The following GABRA3 variants were observed in gnomAD, a reference collection of about 807,000 sequenced individuals.
The protein encoded by GABRA3 is gamma-aminobutyric acid receptor subunit alpha-3.
Under a neutral mutation model 30.1 loss-of-function variants are expected in GABRA3, and 10 were observed. The observed-to-expected ratio is 0.33, with a 90% CI of 0.20 to 0.56. GABRA3 has a LOEUF of 0.56. Ranked by LOEUF, GABRA3 falls within the 20% of genes least tolerant of loss-of-function variation. The pLI is 0.89. For synonymous variants in GABRA3, 151 were observed against 146.8 expected (o/e 1.03, Z -0.21); for missense variants, 233 against 392.0 (o/e 0.59, Z 3.42).
At chrX:152,421,134 A>T (rs186532124) in intron 1 of GABRA3, among the ~76,000 whole-genome samples, 1 of 103,130 alleles carries the variant, frequency 9.7e-6, no homozygotes, top group Admixed American at 1.1e-4. Flanking sequence ...CACACACACA[A>T]GGCACCTATA....
At chrX:152,230,506 G>A (rs776977570) in intron 5 of GABRA3, among the ~76,000 whole-genome samples, 3 of 110,375 alleles carry the variant, frequency 2.7e-5, no homozygotes, top group Non-Finnish European at 5.7e-5. Flanking sequence ...GAACACAAAG[G>A]ATCTAGAATA....
At chrX:152,343,962 T>A (rs1378582959) in intron 3 of GABRA3, among the ~76,000 whole-genome samples, 1 of 111,425 alleles carries the variant, frequency 9.0e-6, no homozygotes, top group Non-Finnish European at 1.9e-5. Context: ...ATACAATACA[T>A]CTGTGTGTGT....
intron 6 of GABRA3, among the ~76,000 whole-genome samples, chrX:152,213,969 T>C (rs746207726): frequency 2.7e-5 from 3 of 111,397 alleles, no homozygotes; most frequent in Non-Finnish European, 3.8e-5. Flanking sequence ...TGCAGTTTTG[T>C]TAAACTGATA....
chrX:152,272,383 C>T (rs762529536), intron 4 of GABRA3, among the ~76,000 whole-genome samples: 17 of 112,415 alleles, frequency 1.5e-4, no homozygotes, highest in Non-Finnish European at 2.4e-4. Flanking sequence ...ATTTTGGACA[C>T]GCATGGGGCC....
At chrX:152,191,113 T>C (rs1489801839) in intron 8 of GABRA3, among the ~76,000 whole-genome samples, 2 of 110,292 alleles carry the variant, frequency 1.8e-5, no homozygotes, top group Non-Finnish European at 3.8e-5. Flanking sequence ...GTCTATAGTA[T>C]AATACCTGAC....
intron 3 of GABRA3, among the ~76,000 whole-genome samples, chrX:152,308,328 T>C (rs934779452): frequency 3.5e-5 from 4 of 112,830 alleles, no homozygotes; most frequent in African/African-American, 1.3e-4. Context: ...GCCCTTCTGC[T>C]GCTGGCATGC....
At chrX:152,291,446 G>A (rs777239102) in intron 3 of GABRA3, among the ~76,000 whole-genome samples, 55 of 111,783 alleles carry the variant, frequency 4.9e-4, no homozygotes, top group African/African-American at 1.2e-3. Flanking sequence ...ATACAGTCAC[G>A]TCATCTGCAA....
chrX:152,310,610 A>G (rs1939784270), intron 3 of GABRA3, among the ~76,000 whole-genome samples: 1 of 111,703 alleles, frequency 9.0e-6, no homozygotes, highest in Non-Finnish European at 1.9e-5. Flanking sequence ...AAAAAGTTAC[A>G]AAGATTTCAA....
At chrX:152,239,559 C>T (rs1300200828) in intron 5 of GABRA3, among the ~76,000 whole-genome samples, 4 of 90,756 alleles carry the variant, frequency 4.4e-5, no homozygotes, top group African/African-American at 1.8e-4. Context: ...TGTTGACTTT[C>T]TGTCTCGTTG....
chrX:152,312,915 T>A (rs1939819918), intron 3 of GABRA3, among the ~76,000 whole-genome samples: 2 of 111,333 alleles, frequency 1.8e-5, no homozygotes, highest in South Asian at 7.5e-4. Context: ...GAAATACAAA[T>A]CAAAGCCACA....
At chrX:152,375,342 T>C (rs1172749774) in intron 1 of GABRA3, among the ~76,000 whole-genome samples, 5 of 112,372 alleles carry the variant, frequency 4.4e-5, no homozygotes, top group African/African-American at 1.3e-4. Flanking sequence ...ACAATCTCTA[T>C]GACTTTCTCT....
intron 3 of GABRA3, among the ~76,000 whole-genome samples, chrX:152,290,858 G>A (rs533975879): frequency 8.1e-5 from 9 of 111,561 alleles, no homozygotes; most frequent in African/African-American, 2.9e-4. Flanking sequence ...CCTCTGTTCT[G>A]TTCCATTGGT....
At chrX:152,402,472 G>T (rs1017218987) in intron 1 of GABRA3, among the ~76,000 whole-genome samples, 1 of 111,774 alleles carries the variant, frequency 8.9e-6, no homozygotes, top group Non-Finnish European at 1.9e-5. Context: ...CCTCTACTGA[G>T]TCTCAATTTC....
intron 9 of GABRA3, among the ~76,000 whole-genome samples, chrX:152,175,829 C>A (rs895604286): frequency 1.8e-5 from 2 of 110,592 alleles, no homozygotes; most frequent in Non-Finnish European, 3.8e-5. Context: ...CTTTGGGAGG[C>A]CAAGGCGGGC....
chrX:152,239,924 C>G (rs942207312), intron 5 of GABRA3, among the ~76,000 whole-genome samples: 1 of 101,214 alleles, frequency 9.9e-6, no homozygotes, highest in Non-Finnish European at 1.9e-5. Flanking sequence ...ATACAGCACA[C>G]TGATGGGTCT....
chrX:152,180,354 G>T (rs1937129576), intron 9 of GABRA3, among the ~76,000 whole-genome samples: 1 of 112,185 alleles, frequency 8.9e-6, no homozygotes, highest in Admixed American at 9.5e-5. Context: ...CTTCTTTTGA[G>T]AAATGCCTAT....
At chrX:152,329,390 A>T (rs1259012834) in intron 3 of GABRA3, among the ~76,000 whole-genome samples, 2 of 111,807 alleles carry the variant, frequency 1.8e-5, no homozygotes, top group African/African-American at 3.3e-5. Context: ...CATAGCCAAG[A>T]CAATCCTAAG....
intron 1 of GABRA3, among the ~76,000 whole-genome samples, chrX:152,397,153 A>G (rs1929681036): frequency 8.9e-6 from 1 of 112,139 alleles, no homozygotes; most frequent in Non-Finnish European, 1.9e-5. Flanking sequence ...AGCTGGTCCC[A>G]GGGAAATGCA....
At chrX:152,292,144 C>T (rs1330027507) in intron 3 of GABRA3, among the ~76,000 whole-genome samples, 1 of 111,421 alleles carries the variant, frequency 9.0e-6, no homozygotes, top group Non-Finnish European at 1.9e-5. Flanking sequence ...CCGTCTGGTC[C>T]TGGACTTTTT....
Sources: gnomAD v4.1 joint callset for allele counts (sites outside exome capture counted in the v4.1 genomes callset) on GRCh38, gnomAD v4.1.1 for gene constraint, MANE v1.5 for transcripts, NCBI Gene and HGNC (gene_info 2026-07-23, HGNC 2026-07-21) for gene names.